Variants in PCDHGA2 observed in about 807,000 individuals in gnomAD.
The protein encoded by PCDHGA2 is protocadherin gamma subfamily A, 2.
A neutral mutation model predicts 59.2 loss-of-function variants in PCDHGA2; 40 were observed. The ratio of observed to expected loss-of-function variants is 0.68; its 90% CI spans 0.52 to 0.88. The LOEUF is 0.88. Among genes scored for constraint, PCDHGA2 ranks in the 40% least tolerant of loss-of-function variants. The pLI, the probability that PCDHGA2 is intolerant of heterozygous loss-of-function variation, is 0.00. For missense variants in PCDHGA2, 1,226 were observed against 1,204.0 expected (o/e 1.02, Z -0.27); for synonymous variants, 560 against 526.0 (o/e 1.06, Z -0.89).
At chr5:141,368,971 T>G (rs1220013260) in intron 1 of PCDHGA2, among the ~76,000 whole-genome samples, 3 of 152,208 alleles carry the variant, frequency 2.0e-5, no homozygotes, top group Non-Finnish European at 4.4e-5. Context: ...GCTATAATGC[T>G]TTTCCACTAT....
At chr5:141,376,676 G>GTTTTTTTTTTTTTTTTTTTTTTTTT in intron 1 of PCDHGA2, 1 of 275,812 alleles carries the variant, frequency 3.6e-6, no homozygotes, top group Non-Finnish European at 6.2e-6. Context: ...TGAGGGTATC[G>GTTTTTTTTTTTTTTTTTTTTTTTTT]TTTTTTTTTT....
At chr5:141,351,814 C>G (rs368055501) in intron 1 of PCDHGA2, 5 of 1,613,246 alleles carry the variant, frequency 3.1e-6, no homozygotes, top group Middle Eastern at 3.3e-4. Context: ...CCTTCGACCA[C>G]GAGCAGCTGC....
At chr5:141,494,644 G>A in intron 1 of PCDHGA2, 163 bp from the exon 2 acceptor site, 1 of 933,684 alleles carries the variant, frequency 1.1e-6, no homozygotes. Flanking sequence ...TGAGACCTGA[G>A]GTGTATTTTG....
chr5:141,375,290 C>T (rs763674664), intron 1 of PCDHGA2: 14 of 1,613,672 alleles, frequency 8.7e-6, no homozygotes, highest in African/African-American at 2.7e-5. Flanking sequence ...CAATTATTAT[C>T]GATTAGTGAC....
Position 141,428,338 on chromosome 5 carries a change from T to C in PCDHGA2, c.2425-66469T>C, listed in dbSNP as rs575215422. 427 of 592,394 alleles carry C rather than the reference T, an allele frequency of 7.2e-4. 1 individual carries two copies. The highest frequency in any genetic ancestry group is 1.3e-3 in the Non-Finnish European group (409 of 326,444). 36.7% of individuals were successfully genotyped at this position (592,394 alleles called of 1,614,324 possible). ...CTTGGCCTTGATTTCTATGCTCTTC[T>C]TCCTCGCAGTGATTTTGGCGGTCGC... On this transcript the variant is annotated intron_variant, in intron 1 of 3. Coordinates refer to ENST00000394576, the MANE Select transcript of PCDHGA2 (RefSeq NM_018915.4).
intron 1 of PCDHGA2, among the ~76,000 whole-genome samples, chr5:141,373,763 G>A (rs951115131): frequency 6.6e-6 from 1 of 152,192 alleles, no homozygotes; most frequent in African/African-American, 2.4e-5. Context: ...AATATTATGA[G>A]TGTCATCTCT....
chr5:141,350,240 G>C (rs1016552981), intron 1 of PCDHGA2: 1 of 1,504,636 alleles, frequency 6.6e-7, no homozygotes, highest in African/African-American at 1.4e-5. Flanking sequence ...GAGGAAAGAA[G>C]CTCCGCGGAG....
intron 1 of PCDHGA2, chr5:141,428,910 A>C (rs956124609): frequency 1.3e-5 from 2 of 151,302 alleles, no homozygotes; most frequent in Non-Finnish European, 2.9e-5. Context: ...GCTGGAGTGC[A>C]GTGGCATGAT....
intron 1 of PCDHGA2, chr5:141,408,283 C>G (rs62378453): frequency 0.09 from 144,952 of 1,612,732 alleles, 7,152 homozygotes; most frequent in African/African-American, 0.18. Flanking sequence ...TGTTCTACCC[C>G]ACCCTGAGTG....
intron 1 of PCDHGA2, chr5:141,372,458 A>G (rs778949462): frequency 3.7e-6 from 6 of 1,614,044 alleles, no homozygotes; most frequent in South Asian, 2.2e-5. Context: ...AGGCGGAGCT[A>G]CAGTTTCACC....
intron 1 of PCDHGA2, among the ~76,000 whole-genome samples, chr5:141,407,652 A>G (rs2094964200): frequency 6.6e-6 from 1 of 152,020 alleles, no homozygotes; most frequent in Non-Finnish European, 1.5e-5. Flanking sequence ...ATAATGGGGG[A>G]GCGCAGTATA....
intron 1 of PCDHGA2, chr5:141,376,094 A>T: frequency 6.2e-7 from 1 of 1,613,544 alleles, no homozygotes. Flanking sequence ...GATCCCCGAC[A>T]TCCTGGCCGA....
intron 1 of PCDHGA2, among the ~76,000 whole-genome samples, chr5:141,430,204 AATT>A (rs1179966513): frequency 6.6e-6 from 1 of 151,962 alleles, no homozygotes; most frequent in African/African-American, 2.4e-5. Context: ...AGAAAGTTTA[AATT>A]ATTATATTAT....
Position 141,489,341 on chromosome 5 carries a change from CAGT to C in PCDHGA2, c.2425-5465_2425-5463del. The stretch of plus-strand genomic sequence containing the variant: ...TGGGTGTCTGGGCAGCTTCGTTACT[CAGT>C]GGTGGAGGAGTCTGAGCCGGGGACG... On this transcript the variant is annotated intron_variant, in intron 1 of 3. Coordinates refer to ENST00000394576, the MANE Select transcript of PCDHGA2 (RefSeq NM_018915.4). This position sits in a 1 kb window ranked among gnomAD's most constrained non-coding sequence, Gnocchi z 4.5. The C allele has an allele frequency of 6.2e-7, 1 of 1,609,088 alleles. No homozygotes were observed. Among genetic ancestry groups the C allele is most frequent in the Non-Finnish European group, 8.5e-7 (1 of 1,176,770 alleles).
In PCDHGA2 at chr5:141,487,883, G is replaced by A; in HGVS notation, c.2425-6924G>A. ...GGTGATCAAGAGCCAGGCTGTTGTG[G>A]AAGCATGATGATGGAATGTGGGAGC... is the stretch of plus-strand genomic sequence containing the variant. On this transcript the variant is annotated intron_variant, in intron 1 of 3. Transcript: ENST00000394576. This position sits in a 1 kb window ranked among gnomAD's most constrained non-coding sequence, Gnocchi z 5.0. The A allele has an allele frequency of 1.3e-6, 1 of 766,586 alleles. No homozygotes were observed. The highest frequency in any genetic ancestry group is 1.8e-5 in the South Asian group (1 of 55,094). 47.5% of individuals were successfully genotyped at this position (766,586 alleles called of 1,614,324 possible).
At chr5:141,391,974 C>T (rs2092450559) in intron 1 of PCDHGA2, 1 of 152,032 alleles carries the variant, frequency 6.6e-6, no homozygotes. Flanking sequence ...AATAAAATAG[C>T]AAAACAATGT....
intron 1 of PCDHGA2, chr5:141,400,372 A>G: frequency 6.2e-7 from 1 of 1,613,980 alleles, no homozygotes; most frequent in Non-Finnish European, 8.5e-7. Flanking sequence ...TTATTCCTAC[A>G]ACCTATGTGT....
intron 1 of PCDHGA2, chr5:141,423,091 G>GCGTAC (rs2096708211): frequency 2.5e-6 from 4 of 1,613,908 alleles, no homozygotes; most frequent in African/African-American, 2.7e-5. Context: ...CGCGGTGGGG[G>GCGTAC]AGCACACGGG....
At chr5:141,426,451 C>A in intron 1 of PCDHGA2, 1 of 308,946 alleles carries the variant, frequency 3.2e-6, no homozygotes, top group South Asian at 3.0e-5. Flanking sequence ...GGACATGCGG[C>A]TGCATGTTCA....
Sources: gnomAD v4.1 joint callset for allele counts (sites outside exome capture counted in the v4.1 genomes callset) on GRCh38, gnomAD v4.1.1 for gene constraint, Gnocchi (gnomAD v3.1) non-coding constraint, MANE v1.5 for transcripts, NCBI Gene and HGNC (gene_info 2026-07-23, HGNC 2026-07-21) for gene names.